Variants in RAP1GAP2 observed in about 807,000 individuals in gnomAD.
The protein encoded by RAP1GAP2 is RAP1 GTPase activating protein 2, also known as rap1 GTPase-activating protein 2.
In RAP1GAP2, 27 loss-of-function variants were observed where a neutral mutation model predicts 95.0. The observed-to-expected ratio is 0.28, with a 90% CI of 0.21 to 0.39. The LOEUF is 0.39. Ranked by LOEUF, RAP1GAP2 falls within the 10% of genes least tolerant of loss-of-function variation. The probability of loss-of-function intolerance (pLI) is 1.00; values close to 1 mark genes in which losing one functional copy is unlikely to be tolerated. For synonymous variants in RAP1GAP2, 373 were observed against 380.9 expected (o/e 0.98, Z 0.24); for missense variants, 771 against 970.0 (o/e 0.79, Z 2.72).
intron 22 of RAP1GAP2, among the ~76,000 whole-genome samples, chr17:3,030,397 C>G (rs1185939453): frequency 1.3e-5 from 2 of 151,948 alleles, no homozygotes; most frequent in Non-Finnish European, 2.9e-5. Context: ...TCCTTTTTTT[C>G]TATTAGTTCC....
intron 2 of RAP1GAP2, among the ~76,000 whole-genome samples, chr17:2,878,940 C>T (rs769385656): frequency 6.6e-6 from 1 of 152,158 alleles, no homozygotes; most frequent in East Asian, 1.9e-4. Context: ...ACGGTTGTGA[C>T]GATCAGTGAG....
intron 8 of RAP1GAP2, among the ~76,000 whole-genome samples, chr17:2,977,789 G>A (rs2045192248): frequency 1.4e-5 from 2 of 142,058 alleles, no homozygotes; most frequent in African/African-American, 5.1e-5. Context: ...AAGCAACCCA[G>A]CAATTTTATA....
Position 2,902,626 on chromosome 17 carries a change from G to T in RAP1GAP2, c.81-2658G>T, listed in dbSNP as rs188132975. Among the ~76,000 whole-genome samples, 16 of 152,280 alleles carry T rather than the reference G, an allele frequency of 1.1e-4. No homozygotes were observed. The East Asian group carries it at 2.9e-3, about 28-fold the overall frequency. On this transcript the variant is annotated intron_variant, in intron 2 of 24. Transcript: ENST00000254695. This position sits in a 1 kb window ranked among gnomAD's most constrained non-coding sequence, Gnocchi z 4.1. ...GCTTGCATGAGGCTGGTCACCACTGGTGCTCATGTCTGCTCTAGCGCCTTC... is the reference window on the plus strand; with the variant it reads ...GCTTGCATGAGGCTGGTCACCACTGTTGCTCATGTCTGCTCTAGCGCCTTC...
At chr17:2,840,025 C>T (rs1277180610) in intron 2 of RAP1GAP2, among the ~76,000 whole-genome samples, 7 of 149,064 alleles carry the variant, frequency 4.7e-5, no homozygotes, top group African/African-American at 1.7e-4. Flanking sequence ...CTCAAACTCC[C>T]AACCTCAGGT....
chr17:2,907,021 G>T (rs1213995007), intron 3 of RAP1GAP2, among the ~76,000 whole-genome samples: 1 of 152,112 alleles, frequency 6.6e-6, no homozygotes, highest in African/African-American at 2.4e-5. Flanking sequence ...TCTTTGTCAA[G>T]CTGCCTTTGT....
intron 2 of RAP1GAP2, among the ~76,000 whole-genome samples, chr17:2,889,580 C>T (rs952407548): frequency 3.3e-5 from 5 of 152,180 alleles, no homozygotes; most frequent in African/African-American, 1.2e-4. Flanking sequence ...CCAGTATGCC[C>T]CTGGAGGCTC....
intron 1 of RAP1GAP2, among the ~76,000 whole-genome samples, chr17:2,789,192 G>C (rs1403435938): frequency 2.0e-5 from 3 of 151,992 alleles, no homozygotes; most frequent in African/African-American, 7.3e-5. Flanking sequence ...GACTACAGGT[G>C]CCTGCCATCA....
intron 1 of RAP1GAP2, among the ~76,000 whole-genome samples, chr17:2,787,263 TTTTTTTC>T (rs2068807750): frequency 6.6e-6 from 1 of 151,530 alleles, no homozygotes; most frequent in Non-Finnish European, 1.5e-5. Flanking sequence ...GGTTTTTTTT[TTTTTTTC>T]TTTTTTTTTT....
chr17:2,775,005 A>G (rs1316230271), upstream of RAP1GAP2, among the ~76,000 whole-genome samples: 1 of 139,106 alleles, frequency 7.2e-6, no homozygotes, highest in Non-Finnish European at 1.6e-5. Flanking sequence ...TTTTTTTTGT[A>G]TTTTTAGTAG....
In RAP1GAP2 at chr17:2,866,922, A is replaced by G. The variant is rs536245019; in HGVS notation, c.81-38362A>G. Among the ~76,000 whole-genome samples, 35 of 127,370 alleles carry G rather than the reference A, an allele frequency of 2.7e-4. No individual in the cohort carries two copies. In the South Asian group the frequency reaches 8.4e-3, roughly 31 times the overall value. 83.6% of individuals were successfully genotyped at this position (127,370 alleles called of 152,430 possible). ...GCCTATTTTATTTTTTATTTTAGAG[A>G]TGGAGTCTCACTCTGTCACCCAGGC... On this transcript the variant is annotated intron_variant, in intron 2 of 24. Transcript: ENST00000254695. This position sits in a 1 kb window ranked among gnomAD's most constrained non-coding sequence, Gnocchi z 4.0.
Position 3,018,044 on chromosome 17 carries a change from T to C in RAP1GAP2, c.1495-17T>C, listed in dbSNP as rs755574969. ...AGCCCGGGTGCTGATTCTCAGGCCC[T>C]TGTTCTCTCCCCGTAGAGGGCCATC... is the stretch of plus-strand genomic sequence containing the variant. On this transcript the variant is annotated splice_polypyrimidine_tract_variant and intron_variant, in intron 17 of 24. Coordinates refer to ENST00000254695, the MANE Select transcript of RAP1GAP2 (RefSeq NM_015085.5). 15 of 1,569,358 alleles carry C rather than the reference T, an allele frequency of 9.6e-6. No individual in the cohort carries two copies. The East Asian group carries it at 2.9e-4, about 30-fold the overall frequency.
chr17:2,829,250 C>T (rs1437610312), intron 2 of RAP1GAP2, among the ~76,000 whole-genome samples: 1 of 152,126 alleles, frequency 6.6e-6, no homozygotes, highest in Non-Finnish European at 1.5e-5. Context: ...TTAAAAAGTA[C>T]TGGGATTACA....
intron 3 of RAP1GAP2, among the ~76,000 whole-genome samples, chr17:2,943,227 T>C (rs1019026642): frequency 6.6e-6 from 1 of 152,142 alleles, no homozygotes; most frequent in Admixed American, 6.6e-5. Context: ...ATTAGGCTTC[T>C]GCACAGCAAA....
At chr17:2,967,101 G>C (rs992689016) in intron 8 of RAP1GAP2, among the ~76,000 whole-genome samples, 6 of 152,184 alleles carry the variant, frequency 3.9e-5, no homozygotes, top group Non-Finnish European at 5.9e-5. Flanking sequence ...AGGCACGGTG[G>C]CTCACGCCTG....
intron 2 of RAP1GAP2, among the ~76,000 whole-genome samples, chr17:2,897,309 A>G (rs1324443844): frequency 6.6e-6 from 1 of 151,994 alleles, no homozygotes; most frequent in Non-Finnish European, 1.5e-5. Flanking sequence ...TTGCACTCCA[A>G]CCTGGGCAAC....
chr17:2,819,154 G>A (rs887364244), intron 2 of RAP1GAP2, among the ~76,000 whole-genome samples: 5 of 151,732 alleles, frequency 3.3e-5, no homozygotes, highest in Non-Finnish European at 1.5e-5. Context: ...AAGTACCTGG[G>A]ACTACAGGCG....
At position 2,968,935 on chromosome 17, in the gene RAP1GAP2, G is replaced by A. The variant is rs374163979; in HGVS notation, c.596+3292G>A. Reference sequence around the variant, plus strand: ...AAAAAGCAATCAGTGTGATAAAGAGGGCTATTATCCATCTTTTCATAAAAG... The same window carrying A: ...AAAAAGCAATCAGTGTGATAAAGAGAGCTATTATCCATCTTTTCATAAAAG... On this transcript the variant is annotated intron_variant, in intron 8 of 24. Transcript: ENST00000254695. Among the ~76,000 whole-genome samples the A allele has an allele frequency of 5.9e-5, 9 of 151,778 alleles. No homozygotes were observed. In the East Asian group the frequency reaches 1.5e-3, roughly 26 times the overall value.
At chr17:2,949,057 A>G (rs1264663759) in intron 3 of RAP1GAP2, among the ~76,000 whole-genome samples, 1 of 152,152 alleles carries the variant, frequency 6.6e-6, no homozygotes, top group African/African-American at 2.4e-5. Flanking sequence ...TGCCTTTCTG[A>G]AGGAAGACCA....
chr17:2,911,386 G>A (rs2042376432), intron 3 of RAP1GAP2, among the ~76,000 whole-genome samples: 1 of 152,022 alleles, frequency 6.6e-6, no homozygotes, highest in Non-Finnish European at 1.5e-5. Context: ...GCTGGGAGAG[G>A]GACTTGAGGC....
Sources: allele counts gnomAD v4.1 joint callset (sites outside exome capture counted in the v4.1 genomes callset), GRCh38; gene constraint gnomAD v4.1.1; non-coding constraint Gnocchi (gnomAD v3.1); transcripts MANE v1.5; gene names NCBI Gene and HGNC (gene_info 2026-07-23, HGNC 2026-07-21).